COA4: variants seen among roughly 807,000 people sequenced by gnomAD.
COA4 encodes the protein cytochrome c oxidase assembly factor 4 homolog, mitochondrial.
COA4 carries 8 observed loss-of-function variants against 7.3 expected under a neutral mutation model. The ratio of observed to expected loss-of-function variants is 1.10; its 90% confidence interval spans 0.64 to 1.98. The LOEUF is 1.98. Ranked by LOEUF, COA4 falls within the 30% of genes most tolerant of loss-of-function variation. The probability of loss-of-function intolerance (pLI) is 0.00; values close to 1 mark genes in which losing one functional copy is unlikely to be tolerated. For missense variants in COA4, 96 were observed against 111.2 expected (o/e 0.86, Z 0.62); for synonymous variants, 42 against 44.3 (o/e 0.95, Z 0.21).
At chr11:73,875,858 G>A (rs969374817) in intron 1 of COA4, 2 of 152,280 alleles carry the variant, frequency 1.3e-5, no homozygotes, top group African/African-American at 4.8e-5. Flanking sequence ...TTGCCTTGGA[G>A]GCGGTATAAC....
intron 1 of COA4, chr11:73,874,530 C>G (rs1948721000): frequency 6.6e-6 from 1 of 152,190 alleles, no homozygotes; most frequent in South Asian, 2.1e-4. Context: ...ACTCAAGAGG[C>G]TGAAGAGGGA....
In COA4 at chr11:73,873,337, C is replaced by T; in HGVS notation, c.42G>A (p.Arg14=). 2 of 1,614,188 alleles carry T rather than the reference C, an allele frequency of 1.2e-6. No individual in the cohort carries two copies. The highest frequency in any genetic ancestry group is 1.7e-6 in the Non-Finnish European group (2 of 1,180,026). The change falls in exon 2 of 2, where the codon CGG becomes CGA. Residue 14 remains arginine (R), a synonymous_variant. Coordinates refer to ENST00000355693, the MANE Select transcript of COA4 (RefSeq NM_016565.3). ...SVPQGHTWTQ[R]VKKDDEEEDP... is the part of the protein sequence containing the mutation. ...CCTCCTCCTCATCGTCTTTCTTCAC[C>T]CGTTGGGTCCAGGTATGGCCTTGAG...
Position 73,873,103 on chromosome 11 carries a change from T to G in COA4, c.*12A>C, listed in dbSNP as rs1948705451. 2.5e-6 allele frequency: 4 copies of G among 1,587,852 alleles called. No homozygotes were observed. The highest frequency in any genetic ancestry group is 3.4e-6 in the Non-Finnish European group (4 of 1,164,364). On this transcript the variant is annotated 3_prime_UTR_variant, in exon 2 of 2. Transcript: ENST00000355693. ...GGCAGGGCCATCTACTGGGGATAGG[T>G]GGTTTGGGGTCTCAGTGGTGGGCAC...
At chr11:73,874,712 G>A (rs1948722187) in intron 1 of COA4, among the ~76,000 whole-genome samples, 1 of 152,106 alleles carries the variant, frequency 6.6e-6, no homozygotes, top group Admixed American at 6.5e-5. Context: ...AAGAGGCTGG[G>A]TGCAGTGGCT....
chr11:73,873,536 G>GTTTTTTT (rs59752835), intron 1 of COA4, 142 bp from the exon 2 acceptor site: 7 of 490,508 alleles, frequency 1.4e-5, no homozygotes, highest in East Asian at 3.3e-5. Flanking sequence ...ACAGATGCTT[G>GTTTTTTT]TTTTTTTTTT....
Position 73,873,278 on chromosome 11 carries a change from C to T in COA4, c.101G>A (p.Cys34Tyr), listed in dbSNP as rs773109600. ...CTGCACTGCAAAGTGGGAGGCAGCA[C>T]AGCCAGAGCGGGAGATCAGCTGGTC... is the stretch of plus-strand genomic sequence containing the variant. ...PLDQLISRSG[C>Y]AASHFAVQEC... Residue 34 changes from cysteine to tyrosine, a missense_variant, in exon 2 of 2, where the codon TGT becomes TAT. By Grantham distance (194) the Cys-to-Tyr change is radical. Transcript: ENST00000355693. The T allele has an allele frequency of 3.7e-6, 6 of 1,614,280 alleles. No homozygotes were observed. The highest frequency in any genetic ancestry group is 2.2e-5 in the East Asian group (1 of 44,894).
Position 73,873,047 on chromosome 11 carries a change from T to C in COA4, c.*68A>G. On this transcript the variant is annotated 3_prime_UTR_variant, in exon 2 of 2. Transcript: ENST00000355693. ...CTCCCACACCAGCATTTAGGATTTC[T>C]TCCTCTATAATCTTGCTGGGTGCTG... 6.6e-7 allele frequency: 1 copy of C among 1,511,946 alleles called. No homozygotes were observed. Among genetic ancestry groups the C allele is most frequent in the Non-Finnish European group, 8.8e-7 (1 of 1,131,310 alleles). 93.7% of individuals were successfully genotyped at this position (1,511,946 alleles called of 1,614,324 possible). A position where few individuals can be genotyped will look rare whatever the true frequency, so the allele number is the denominator to read the frequency against.
Position 73,876,835 on chromosome 11 carries a change from G to A in COA4, c.-95C>T. 3.5e-6 allele frequency: 2 copies of A among 576,040 alleles called. No individual in the cohort carries two copies. Among genetic ancestry groups the A allele is most frequent in the South Asian group, 6.6e-5 (2 of 30,106 alleles). 35.7% of individuals were successfully genotyped at this position (576,040 alleles called of 1,614,324 possible). A position where few individuals can be genotyped will look rare whatever the true frequency, so the allele number is the denominator to read the frequency against. On this transcript the variant is annotated 5_prime_UTR_variant, in exon 1 of 2. Transcript: ENST00000355693. ...TTTCGCAGGCGGTTGGGGATCCTCTGTACATCCTTTCAGGAACCAGCCCCT... is the reference window on the plus strand; with the variant it reads ...TTTCGCAGGCGGTTGGGGATCCTCTATACATCCTTTCAGGAACCAGCCCCT...
chr11:73,876,335 C>T (rs538189189), intron 1 of COA4: 1 of 152,256 alleles, frequency 6.6e-6, no homozygotes, highest in East Asian at 1.9e-4. Context: ...CAGCACTACG[C>T]CTTACTATGT....
Position 73,873,030 on chromosome 11 carries a change from C to G in COA4, c.*85G>C. 2 of 1,498,228 alleles carry G rather than the reference C, an allele frequency of 1.3e-6. No individual in the cohort carries two copies. Among genetic ancestry groups the G allele is most frequent in the East Asian group, 2.3e-5 (1 of 43,864 alleles). 92.8% of individuals were successfully genotyped at this position (1,498,228 alleles called of 1,614,324 possible). A position where few individuals can be genotyped will look rare whatever the true frequency, so the allele number is the denominator to read the frequency against. ...CTCCCCATGTTTTAGACCTCCCACACCAGCATTTAGGATTTCTTCCTCTAT... is the reference window on the plus strand; with the variant it reads ...CTCCCCATGTTTTAGACCTCCCACAGCAGCATTTAGGATTTCTTCCTCTAT... On this transcript the variant is annotated 3_prime_UTR_variant, in exon 2 of 2. Coordinates refer to ENST00000355693, the MANE Select transcript of COA4 (RefSeq NM_016565.3).
intron 1 of COA4, chr11:73,876,011 A>T (rs1296245545): frequency 6.6e-6 from 1 of 152,128 alleles, no homozygotes; most frequent in Non-Finnish European, 1.5e-5. Context: ...CACGCCTGTA[A>T]TCCCAACACT....
intron 1 of COA4, among the ~76,000 whole-genome samples, chr11:73,874,725 C>A (rs1331643307): frequency 6.6e-6 from 1 of 152,134 alleles, no homozygotes; most frequent in Non-Finnish European, 1.5e-5. Flanking sequence ...CAGTGGCTCA[C>A]ACATGTAATC....
chr11:73,872,815 A>G lies in COA4; in HGVS notation c.*300T>C, dbSNP rs1036749850. The G allele has an allele frequency of 2.9e-6, 1 of 347,428 alleles. No individual in the cohort carries two copies. The highest frequency in any genetic ancestry group is 5.2e-6 in the Non-Finnish European group (1 of 191,432). The allele number at this position is 347,428 out of a possible 1,614,324, so 21.5% of individuals were successfully genotyped here. ...TTTAAAATAAAATGTCCCTAAAATCATCTCAGTACTTGGCACACTGACTTA... is the reference window on the plus strand; with the variant it reads ...TTTAAAATAAAATGTCCCTAAAATCGTCTCAGTACTTGGCACACTGACTTA... On this transcript the variant is annotated 3_prime_UTR_variant, in exon 2 of 2. Coordinates refer to ENST00000355693, the MANE Select transcript of COA4 (RefSeq NM_016565.3).
intron 1 of COA4, among the ~76,000 whole-genome samples, chr11:73,874,013 C>T (rs1948716008): frequency 6.6e-6 from 1 of 152,040 alleles, no homozygotes; most frequent in Non-Finnish European, 1.5e-5. Context: ...TCTGATCTAC[C>T]TAAAAAGAAC....
rs748343083 is a variant in COA4, at chr11:73,873,272, G to A, written c.107C>T (p.Ala36Val). The change falls in exon 2 of 2, where the codon GCC (alanine) becomes GTC (valine). Residue 36 changes from alanine to valine, a missense_variant. Transcript: ENST00000355693. ...GCACTCCTGCACTGCAAAGTGGGAG[G>A]CAGCACAGCCAGAGCGGGAGATCAG... ...DQLISRSGCA[A>V]SHFAVQECMA... is the part of the protein sequence containing the mutation. 6.2e-7 allele frequency: 1 copy of A among 1,614,258 alleles called. No individual in the cohort carries two copies. The highest frequency in any genetic ancestry group is 2.2e-5 in the East Asian group (1 of 44,890).
intron 1 of COA4, chr11:73,876,260 T>G (rs1948744522): frequency 6.6e-6 from 1 of 152,106 alleles, no homozygotes; most frequent in Non-Finnish European, 1.5e-5. Context: ...AGCAAATAAT[T>G]TAGAGAAAGA....
intron 1 of COA4, among the ~76,000 whole-genome samples, chr11:73,874,222 C>T (rs1280260076): frequency 3.3e-5 from 5 of 152,026 alleles, no homozygotes; most frequent in African/African-American, 9.7e-5. Context: ...CTGAGGCAGT[C>T]GGATCACCTG....
At chr11:73,873,791 T>C (rs113204963) in intron 1 of COA4, 6,133 of 199,770 alleles carry the variant, frequency 0.031, 123 homozygotes, top group Non-Finnish European at 0.045. Flanking sequence ...AATGCTGGGA[T>C]TACAGGTGTG....
intron 1 of COA4, chr11:73,874,474 T>G: frequency 6.7e-6 from 1 of 149,776 alleles, no homozygotes; most frequent in East Asian, 2.0e-4. Flanking sequence ...AGAAAAAAAA[T>G]GTAAAAATTA....
Sources: allele counts gnomAD v4.1 joint callset (sites outside exome capture counted in the v4.1 genomes callset), GRCh38; gene constraint gnomAD v4.1.1; transcripts MANE v1.5; gene names NCBI Gene and HGNC (gene_info 2026-07-23, HGNC 2026-07-21).